Variants in BACH2 observed in about 807,000 individuals in gnomAD.
BACH2 encodes the protein BACH transcriptional regulator 2.
Under a neutral mutation model 61.8 loss-of-function variants are expected in BACH2, and 5 were observed. The observed-to-expected ratio is 0.08, with a 90% CI of 0.04 to 0.17. The LOEUF is 0.17. Ranked by LOEUF, BACH2 falls within the 10% of genes least tolerant of loss-of-function variation. BACH2 has a pLI of 1.00. For synonymous variants in BACH2, 446 were observed against 440.1 expected, an observed-to-expected ratio of 1.01 and a Z score of -0.17; for missense variants, 824 against 1,091.1, an observed-to-expected ratio of 0.76 and a Z score of 3.45.
chr6:90,145,828 A>G (rs1349098981), intron 4 of BACH2, among the ~76,000 whole-genome samples: 2 of 152,234 alleles, frequency 1.3e-5, no homozygotes, highest in Non-Finnish European at 2.9e-5. Context: ...GAGGTAAAAC[A>G]CATGGGTTTA....
At chr6:90,003,110 T>C (rs1453870327) in intron 6 of BACH2, among the ~76,000 whole-genome samples, 1 of 152,224 alleles carries the variant, frequency 6.6e-6, no homozygotes, top group Non-Finnish European at 1.5e-5. Context: ...CCTCTTTCAA[T>C]TTATTTTCAC....
chr6:90,197,095 T>G (rs1768786206), intron 4 of BACH2, among the ~76,000 whole-genome samples: 1 of 152,232 alleles, frequency 6.6e-6, no homozygotes, highest in Non-Finnish European at 1.5e-5. Flanking sequence ...AAGCCAATGA[T>G]GTACATATAT....
intron 5 of BACH2, among the ~76,000 whole-genome samples, chr6:90,027,151 G>A (rs944232184): frequency 2.0e-5 from 3 of 152,060 alleles, no homozygotes; most frequent in Non-Finnish European, 4.4e-5. Context: ...AAAGCATCTG[G>A]ACCACCTGTC....
At chr6:90,020,678 A>G (rs1042627446) in intron 5 of BACH2, among the ~76,000 whole-genome samples, 7 of 152,068 alleles carry the variant, frequency 4.6e-5, no homozygotes, top group African/African-American at 1.4e-4. Context: ...AACTCCCTCC[A>G]ATTTGTCTGC....
At chr6:90,182,330 T>C (rs1238206744) in intron 4 of BACH2, among the ~76,000 whole-genome samples, 1 of 152,198 alleles carries the variant, frequency 6.6e-6, no homozygotes. Context: ...GTTCCTTCTA[T>C]CTGGAATGTC....
At chr6:90,039,346 T>C (rs766467562) in intron 5 of BACH2, among the ~76,000 whole-genome samples, 4 of 152,230 alleles carry the variant, frequency 2.6e-5, no homozygotes, top group Non-Finnish European at 5.9e-5. Context: ...TTGTCCTCCA[T>C]TGGGACAGTA....
intron 5 of BACH2, among the ~76,000 whole-genome samples, chr6:90,021,056 A>G (rs1778345365): frequency 6.6e-6 from 1 of 152,204 alleles, no homozygotes; most frequent in East Asian, 1.9e-4. Context: ...ATGTACATAC[A>G]CATATACCCC....
chr6:89,957,729 CG>C (rs1257465253), intron 6 of BACH2, among the ~76,000 whole-genome samples: 4 of 152,152 alleles, frequency 2.6e-5, no homozygotes, highest in Non-Finnish European at 5.9e-5. Context: ...TTAGTAGAGA[CG>C]GGGTTTCACT....
chr6:90,029,550 T>C (rs1412474940), intron 5 of BACH2, among the ~76,000 whole-genome samples: 1 of 152,198 alleles, frequency 6.6e-6, no homozygotes, highest in East Asian at 1.9e-4. Flanking sequence ...CACTATATTT[T>C]ACTCATATTT....
At chr6:89,939,130 T>C (rs1408276512) in intron 7 of BACH2, among the ~76,000 whole-genome samples, 4 of 152,184 alleles carry the variant, frequency 2.6e-5, no homozygotes, top group African/African-American at 4.8e-5. Context: ...GCAGTAGTAA[T>C]GGTGTATAGT....
At chr6:90,033,975 T>C (rs1779140796) in intron 5 of BACH2, among the ~76,000 whole-genome samples, 1 of 152,166 alleles carries the variant, frequency 6.6e-6, no homozygotes, top group African/African-American at 2.4e-5. Context: ...TTAAATCCTG[T>C]GTGTCTGTGA....
intron 8 of BACH2, among the ~76,000 whole-genome samples, chr6:89,933,117 A>C (rs1323213687): frequency 6.6e-6 from 1 of 152,090 alleles, no homozygotes; most frequent in African/African-American, 2.4e-5. Context: ...ACATCTCTTC[A>C]TCCCTCTCCA....
chr6:90,094,843 G>A (rs1486827407), intron 4 of BACH2, among the ~76,000 whole-genome samples: 1 of 151,090 alleles, frequency 6.6e-6, no homozygotes, highest in Non-Finnish European at 1.5e-5. Context: ...GGGCTAATAA[G>A]TGACTCTTCC....
At chr6:90,225,626 G>A (rs1769887929) in intron 3 of BACH2, among the ~76,000 whole-genome samples, 1 of 152,086 alleles carries the variant, frequency 6.6e-6, no homozygotes, top group African/African-American at 2.4e-5. Context: ...GGGGGGTGGG[G>A]AGGGAGAGCA....
In BACH2 at chr6:90,206,984, A is replaced by C. The variant is rs76411604; in HGVS notation, c.-274-303T>G. 9.7e-3 allele frequency among the ~76,000 whole-genome samples: 1,483 copies of C among 152,182 alleles called. 14 individuals are homozygous for C. Among genetic ancestry groups the C allele is most frequent in the Middle Eastern group, 0.017 (5 of 294 alleles). On this transcript the variant is annotated intron_variant, in intron 3 of 8. Coordinates refer to ENST00000257749, the MANE Select transcript of BACH2 (RefSeq NM_021813.4). Reference sequence around the variant, plus strand: ...GAACTAAACAGTCCAATTCCCCCCAAACAGTCCAATTCCCCCCACCATGTT... The same window carrying C: ...GAACTAAACAGTCCAATTCCCCCCACACAGTCCAATTCCCCCCACCATGTT...
Position 89,951,821 on chromosome 6 carries a change from G to A in BACH2, c.285C>T (p.Tyr95=). ...RGFGPLLQFA[Y]TAKLLLSREN... ...CTCTGCTGAGTAACAGCTTGGCAGT[G>A]TAGGCAAACTGTAACAGCGGCCCAA... The change falls in exon 7 of 9, where the codon TAC becomes TAT. Residue 95 remains tyrosine (Y), a synonymous_variant. Coordinates refer to ENST00000257749, the MANE Select transcript of BACH2 (RefSeq NM_021813.4). The surrounding 1 kb of genome is among the most constrained non-coding windows in gnomAD (Gnocchi z 6.4). 2 of 1,614,092 alleles carry A rather than the reference G, an allele frequency of 1.2e-6. No homozygotes were observed. The highest frequency in any genetic ancestry group is 1.7e-6 in the Non-Finnish European group (2 of 1,179,898).
intron 5 of BACH2, among the ~76,000 whole-genome samples, chr6:90,030,155 G>A (rs981667150): frequency 1.1e-4 from 16 of 152,132 alleles, no homozygotes; most frequent in African/African-American, 3.9e-4. Context: ...AGATGGCTCT[G>A]ATCCCACCCC....
chr6:90,174,633 A>G (rs1426185997), intron 4 of BACH2, among the ~76,000 whole-genome samples: 2 of 152,076 alleles, frequency 1.3e-5, no homozygotes, highest in Non-Finnish European at 2.9e-5. Flanking sequence ...AAGGAAGCCA[A>G]TAAGGTTTCC....
chr6:90,257,148 C>T (rs980115116), intron 2 of BACH2, among the ~76,000 whole-genome samples: 1 of 152,150 alleles, frequency 6.6e-6, no homozygotes, highest in African/African-American at 2.4e-5. Context: ...TAGGTTGTTT[C>T]CATATCTTAG....
Sources: allele counts gnomAD v4.1 joint callset (sites outside exome capture counted in the v4.1 genomes callset), GRCh38; gene constraint gnomAD v4.1.1; non-coding constraint Gnocchi (gnomAD v3.1); transcripts MANE v1.5; gene names NCBI Gene and HGNC (gene_info 2026-07-23, HGNC 2026-07-21).